Variants in KSR2 observed in about 807,000 individuals in gnomAD.
KSR2 encodes kinase suppressor of ras 2.
A neutral mutation model predicts 107.8 loss-of-function variants in KSR2; 25 were observed. That is an observed-to-expected ratio of 0.23 (90% CI 0.17 to 0.32). KSR2 has a LOEUF of 0.32. Ranked by LOEUF, KSR2 falls within the 10% of genes least tolerant of loss-of-function variation. The pLI, the probability that KSR2 is intolerant of heterozygous loss-of-function variation, is 1.00. For missense variants in KSR2, 887 were observed against 1,268.9 expected (o/e 0.70, Z 4.57); for synonymous variants, 480 against 507.0 (o/e 0.95, Z 0.71).
intron 3 of KSR2, among the ~76,000 whole-genome samples, chr12:117,815,360 A>G (rs1440618823): frequency 6.6e-6 from 1 of 152,182 alleles, no homozygotes; most frequent in African/African-American, 2.4e-5. Context: ...ACCACTCTAT[A>G]TGTCTTGATA....
intron 9 of KSR2, among the ~76,000 whole-genome samples, chr12:117,544,165 T>C (rs1282374350): frequency 6.6e-6 from 1 of 152,236 alleles, no homozygotes; most frequent in Non-Finnish European, 1.5e-5. Flanking sequence ...CCATTTCTTT[T>C]GATCTTTGTT....
chr12:117,693,418 A>T lies in KSR2; in HGVS notation c.987-25760T>A, dbSNP rs200418810. Among the ~76,000 whole-genome samples the T allele has an allele frequency of 1.2e-4, 19 of 152,330 alleles. No homozygotes were observed. The East Asian group carries it at 3.5e-3, about 28-fold the overall frequency. On this transcript the variant is annotated intron_variant, in intron 4 of 19. Transcript: ENST00000339824. ...GCCTAGAGGATTGTGCTGACTTGGT[A>T]GAACATTCCTAAACTAGAAAGGGAA...
chr12:117,827,459 G>A (rs1437794341), intron 3 of KSR2, among the ~76,000 whole-genome samples: 3 of 152,162 alleles, frequency 2.0e-5, no homozygotes, highest in Non-Finnish European at 4.4e-5. Context: ...TGTGCTCTTG[G>A]CTGTGACTTA....
intron 3 of KSR2, among the ~76,000 whole-genome samples, chr12:117,839,429 T>G (rs970983166): frequency 6.6e-6 from 1 of 152,238 alleles, no homozygotes; most frequent in Non-Finnish European, 1.5e-5. Context: ...CATTCTCTTA[T>G]CTGAAAACTG....
rs183103069 is a variant in KSR2, at chr12:117,509,465, C to T, written c.2219+15387G>A. ...AGGTAGGAAAGCACACAAACCAAAC[C>T]CTGCAGAAGGAAGGGCTGCAAGGCC... On this transcript the variant is annotated intron_variant, in intron 14 of 19. Coordinates refer to ENST00000339824, the MANE Select transcript of KSR2 (RefSeq NM_173598.6). Among the ~76,000 whole-genome samples the T allele has an allele frequency of 7.2e-5, 11 of 152,260 alleles. 1 individual carries two copies. The East Asian group carries it at 1.4e-3, about 19-fold the overall frequency.
At position 117,855,416 on chromosome 12, in the gene KSR2, G is replaced by A; in HGVS notation, c.472+12C>T. On this transcript the variant is annotated intron_variant, in intron 3 of 19. Coordinates refer to ENST00000339824, the MANE Select transcript of KSR2 (RefSeq NM_173598.6). ...ACAAGTCTCCACATCCCCGACCCCG[G>A]GGCCTGCTCACCTGACATGTGGACA... 6.2e-7 allele frequency: 1 copy of A among 1,614,014 alleles called. No individual in the cohort carries two copies. Among genetic ancestry groups the A allele is most frequent in the East Asian group, 2.2e-5 (1 of 44,880 alleles).
intron 4 of KSR2, among the ~76,000 whole-genome samples, chr12:117,692,449 CATATATATATATATATATATAT>C (rs57091494): frequency 0.016 from 1,327 of 84,270 alleles, 53 homozygotes; most frequent in African/African-American, 0.053. Context: ...CAACTTCACT[CATATATATATATATATATATAT>C]ATATATATAT....
At chr12:117,665,541 C>T (rs750593905) in intron 5 of KSR2, among the ~76,000 whole-genome samples, 6 of 152,268 alleles carry the variant, frequency 3.9e-5, no homozygotes, top group South Asian at 2.1e-4. Context: ...AAGCACTCTT[C>T]GGGCCATGGG....
chr12:117,804,967 C>T (rs557827019), intron 3 of KSR2, among the ~76,000 whole-genome samples: 1 of 152,292 alleles, frequency 6.6e-6, no homozygotes, highest in East Asian at 1.9e-4. Context: ...CCAGAGCCCA[C>T]TCAGCATCCG....
At chr12:117,738,316 T>TAACGAC (rs1888023230) in intron 4 of KSR2, among the ~76,000 whole-genome samples, 1 of 152,200 alleles carries the variant, frequency 6.6e-6, no homozygotes, top group Non-Finnish European at 1.5e-5. Context: ...ATGCATCACT[T>TAACGAC]AACGACAGGG....
chr12:117,539,879 G>C lies in KSR2; in HGVS notation c.1527C>G (p.Ile509Met), dbSNP rs1227798626. 1.2e-6 allele frequency: 2 copies of C among 1,608,730 alleles called. No individual in the cohort carries two copies. Among genetic ancestry groups the C allele is most frequent in the African/African-American group, 2.7e-5 (2 of 74,548 alleles). ...TGGAGTCTGGCTGGTAAGGGACAGG[G>C]ATGTGGTCCTGCAGAGAGAAAACAG... Reference protein sequence around the residue: ...PKTNKINKDHIPVPYQPDSSS... With the variant: ...PKTNKINKDHMPVPYQPDSSS... Residue 509 changes from isoleucine (I) to methionine (M), a missense_variant, in exon 10 of 20, where the codon ATC becomes ATG. By Grantham distance (10) the Ile-to-Met change is conservative. Around this residue, in one of 8 missense-constraint regions of KSR2, gnomAD observed 60 missense variants for 77.5 expected, o/e 0.77. Coordinates refer to ENST00000339824, the MANE Select transcript of KSR2 (RefSeq NM_173598.6).
intron 14 of KSR2, among the ~76,000 whole-genome samples, chr12:117,505,994 G>A (rs1873656155): frequency 6.6e-6 from 1 of 152,174 alleles, no homozygotes; most frequent in South Asian, 2.1e-4. Flanking sequence ...CCCCATGGCT[G>A]AGAGGCTACT....
intron 5 of KSR2, among the ~76,000 whole-genome samples, chr12:117,652,936 C>A (rs535889433): frequency 1.3e-5 from 2 of 152,300 alleles, no homozygotes; most frequent in Admixed American, 6.5e-5. Context: ...TCTGGCAGAA[C>A]CCCCACATTG....
rs1436649674 is a variant in KSR2, at chr12:117,453,205, A to C, written c.*13994T>G. The C allele has an allele frequency of 6.6e-6, 1 of 152,410 alleles. No individual in the cohort carries two copies. The highest frequency in any genetic ancestry group is 1.9e-4 in the East Asian group (1 of 5,196). 9.4% of individuals were successfully genotyped at this position (152,410 alleles called of 1,614,324 possible). ...AGAAATACTTTTTTTAGAAGTGTAG[A>C]AAACTTTATAAATGATTCTGTACAA... On this transcript the variant is annotated 3_prime_UTR_variant, in exon 20 of 20. Transcript: ENST00000339824.
intron 1 of KSR2, among the ~76,000 whole-genome samples, chr12:117,861,014 C>T (rs998269765): frequency 5.3e-5 from 8 of 152,162 alleles, no homozygotes; most frequent in Non-Finnish European, 4.4e-5. Context: ...CCACTGCGCC[C>T]GGCCTGCACA....
intron 2 of KSR2, among the ~76,000 whole-genome samples, chr12:117,859,466 T>C (rs1217613512): frequency 1.3e-5 from 2 of 149,724 alleles, no homozygotes; most frequent in African/African-American, 5.0e-5. Flanking sequence ...TATTTATTTT[T>C]TTTTTTTTGA....
chr12:117,501,547 C>T (rs1873378543), intron 14 of KSR2, among the ~76,000 whole-genome samples: 1 of 152,232 alleles, frequency 6.6e-6, no homozygotes, highest in African/African-American at 2.4e-5. Flanking sequence ...CTGCCAGGCA[C>T]TGTGCCAGGT....
At chr12:117,606,507 TC>T (rs1881265054) in intron 5 of KSR2, among the ~76,000 whole-genome samples, 1 of 102,420 alleles carries the variant, frequency 9.8e-6, no homozygotes, top group African/African-American at 3.7e-5. Context: ...ATCCCCTCCT[TC>T]CTTCCTCCCT....
intron 1 of KSR2, among the ~76,000 whole-genome samples, chr12:117,917,650 GC>G (rs1365160085): frequency 6.6e-6 from 1 of 152,152 alleles, no homozygotes; most frequent in African/African-American, 2.4e-5. Context: ...TTGCCATGTT[GC>G]CCAGGCTGGT....
Sources: gnomAD v4.1 joint callset for allele counts (sites outside exome capture counted in the v4.1 genomes callset) on GRCh38, gnomAD v4.1.1 for gene constraint, gnomAD v4.1.1 regional missense constraint, MANE v1.5 for transcripts, NCBI Gene and HGNC (gene_info 2026-07-23, HGNC 2026-07-21) for gene names.